C6: variants seen among roughly 807,000 people sequenced by gnomAD.
C6 encodes the protein complement component C6.
Under a neutral mutation model 112.9 loss-of-function variants are expected in C6, and 101 were observed. That is an observed-to-expected ratio of 0.89 (90% CI 0.76 to 1.06). The LOEUF (loss-of-function observed/expected upper bound fraction) is 1.06. C6 is among the 50% of genes least tolerant of loss of function. The probability of loss-of-function intolerance (pLI) is 0.00; values close to 1 mark genes in which losing one functional copy is unlikely to be tolerated. For missense variants in C6, 1,202 were observed against 1,104.6 expected, an observed-to-expected ratio of 1.09 and a Z score of -1.25; for synonymous variants, 431 against 384.1, an observed-to-expected ratio of 1.12 and a Z score of -1.43.
At chr5:41,256,641 G>A (rs757535301) in intron 1 of C6, among the ~76,000 whole-genome samples, 8 of 152,040 alleles carry the variant, frequency 5.3e-5, no homozygotes, top group African/African-American at 1.7e-4. Context: ...AAGTTCTCTG[G>A]CATAAAGCTT....
At chr5:41,175,386 T>C (rs1213569227) in intron 8 of C6, among the ~76,000 whole-genome samples, 2 of 152,246 alleles carry the variant, frequency 1.3e-5, no homozygotes, top group Non-Finnish European at 2.9e-5. Context: ...TGCATGCATG[T>C]ATATATGGAT....
chr5:41,163,163 G>GA lies in C6; in HGVS notation c.1292-1305dup, dbSNP rs201453388. On this transcript the variant is annotated intron_variant, in intron 9 of 17. Transcript: ENST00000337836. The stretch of plus-strand genomic sequence containing the variant: ...GATAATGCCAATAATGCAAACAAAA[G>GA]AAAAAAAAAAACTAGTAAAAGACAG... 8.2e-4 allele frequency among the ~76,000 whole-genome samples: 113 copies of GA among 137,466 alleles called. 1 individual carries two copies. The highest frequency in any genetic ancestry group is 1.9e-3 in the East Asian group (9 of 4,684). 90.2% of individuals were successfully genotyped at this position (137,466 alleles called of 152,430 possible). A position where few individuals can be genotyped will look rare whatever the true frequency, so the allele number is the denominator to read the frequency against.
At chr5:41,239,111 C>CTT (rs34322889) in intron 1 of C6, among the ~76,000 whole-genome samples, 4,150 of 121,556 alleles carry the variant, frequency 0.034, 213 homozygotes, top group African/African-American at 0.091. Flanking sequence ...TCTTTTCTTT[C>CTT]TTTTTTTTTT....
intron 1 of C6, among the ~76,000 whole-genome samples, chr5:41,226,570 G>A (rs1311455723): frequency 1.3e-5 from 2 of 152,108 alleles, no homozygotes; most frequent in African/African-American, 4.8e-5. Flanking sequence ...CTGTCTAACT[G>A]AAATTTTATG....
chr5:41,144,639 G>A (rs1243273986), intron 17 of C6, among the ~76,000 whole-genome samples: 1 of 151,996 alleles, frequency 6.6e-6, no homozygotes, highest in Non-Finnish European at 1.5e-5. Context: ...TTGTTATATA[G>A]GTAAATTGAA....
At chr5:41,159,544 T>G in intron 11 of C6, 1 of 769,956 alleles carries the variant, frequency 1.3e-6, no homozygotes, top group Non-Finnish European at 1.6e-6. Flanking sequence ...TGGAGGCCTT[T>G]TAAAAATGTG....
At chr5:41,233,116 T>C (rs922604136) in intron 1 of C6, among the ~76,000 whole-genome samples, 1 of 152,106 alleles carries the variant, frequency 6.6e-6, no homozygotes, top group African/African-American at 2.4e-5. Flanking sequence ...TAAACATTTA[T>C]TCATATAAAG....
At chr5:41,259,654 T>G (rs1741922499) in intron 1 of C6, among the ~76,000 whole-genome samples, 1 of 152,206 alleles carries the variant, frequency 6.6e-6, no homozygotes, top group Non-Finnish European at 1.5e-5. Context: ...GAATTTAAAT[T>G]ACCAATTGCT....
intron 10 of C6, among the ~76,000 whole-genome samples, 172 bp downstream of exon 10, chr5:41,161,521 G>T (rs1034089846): frequency 6.6e-6 from 1 of 152,072 alleles, no homozygotes; most frequent in Non-Finnish European, 1.5e-5. Context: ...AATAGCAAAC[G>T]CATTAGACAT....
chr5:41,260,274 A>G (rs901936417), intron 1 of C6, among the ~76,000 whole-genome samples: 3 of 152,082 alleles, frequency 2.0e-5, no homozygotes, highest in South Asian at 4.1e-4. Context: ...CACACCACAC[A>G]CACACACACG....
chr5:41,185,220 C>A lies in C6; in HGVS notation c.726+850G>T, dbSNP rs1749675820. Among the ~76,000 whole-genome samples the A allele has an allele frequency of 2.6e-5, 4 of 152,118 alleles. No homozygotes were observed. In the East Asian group the frequency reaches 5.8e-4, roughly 22 times the overall value. ...GGTTAGTTCCCAAAGACATTCCCCA[C>A]CTATCAGTATATATTAGATGGTTTT... On this transcript the variant is annotated intron_variant, in intron 6 of 17. Coordinates refer to ENST00000337836, the MANE Select transcript of C6 (RefSeq NM_000065.5).
At chr5:41,232,648 A>T (rs1739978840) in intron 1 of C6, among the ~76,000 whole-genome samples, 1 of 152,098 alleles carries the variant, frequency 6.6e-6, no homozygotes, top group African/African-American at 2.4e-5. Context: ...TTGGAAATAC[A>T]GAAAAGTAAA....
At chr5:41,257,462 A>G (rs552951259) in intron 1 of C6, among the ~76,000 whole-genome samples, 2 of 152,236 alleles carry the variant, frequency 1.3e-5, no homozygotes, top group South Asian at 2.1e-4. Flanking sequence ...GCTATTGTGA[A>G]TAGTGCTGTG....
chr5:41,230,673 C>G (rs13354389), intron 1 of C6, among the ~76,000 whole-genome samples: 3,853 of 152,190 alleles, frequency 0.025, 160 homozygotes, highest in African/African-American at 0.087. Flanking sequence ...AGCATATGAT[C>G]CTTGTGACCT....
chr5:41,153,753 T>C (rs1463213157), intron 15 of C6, 57 bp downstream of exon 15: 8 of 1,297,774 alleles, frequency 6.2e-6, no homozygotes, highest in Admixed American at 3.4e-5. Context: ...GAGGCTATAC[T>C]ACCAATCTCA....
chr5:41,172,612 C>G, intron 8 of C6: 1 of 523,716 alleles, frequency 1.9e-6, no homozygotes, highest in Non-Finnish European at 3.5e-6. Context: ...ACATATGAGC[C>G]ATTTTGGCCC....
At chr5:41,158,828 C>T (rs375900177) in intron 12 of C6, 43 bp from the exon 13 acceptor site, 22 of 1,146,018 alleles carry the variant, frequency 1.9e-5, no homozygotes, top group African/African-American at 1.1e-4. Flanking sequence ...TATGTATGTA[C>T]ACACATTTAC....
rs758089054 is a variant in C6, at chr5:41,153,792, C to G, written c.2290+18G>C. ...TGCACCACCTTATCAGACCCCAGAACACTGAGCTGCTACTCACCTTTTTCA... is the reference window on the plus strand; with the variant it reads ...TGCACCACCTTATCAGACCCCAGAAGACTGAGCTGCTACTCACCTTTTTCA... On this transcript the variant is annotated intron_variant, in intron 15 of 17. Coordinates refer to ENST00000337836, the MANE Select transcript of C6 (RefSeq NM_000065.5). The G allele has an allele frequency of 4.4e-5, 71 of 1,599,886 alleles. No individual in the cohort carries two copies. The Admixed American group carries it at 9.5e-4, about 21-fold the overall frequency.
intron 1 of C6, among the ~76,000 whole-genome samples, chr5:41,260,021 G>A (rs1741946094): frequency 6.6e-6 from 1 of 152,180 alleles, no homozygotes; most frequent in Non-Finnish European, 1.5e-5. Flanking sequence ...CCTCTGAGGA[G>A]AAAGAATTGT....
Sources: gnomAD v4.1 joint callset for allele counts (sites outside exome capture counted in the v4.1 genomes callset) on GRCh38, gnomAD v4.1.1 for gene constraint, MANE v1.5 for transcripts, NCBI Gene and HGNC (gene_info 2026-07-23, HGNC 2026-07-21) for gene names.